TYW3: variants seen among roughly 807,000 people sequenced by gnomAD.
TYW3 encodes tRNA-yW synthesizing protein 3 homolog.
Under a neutral mutation model 23.1 loss-of-function variants are expected in TYW3, and 26 were observed. The observed-to-expected ratio is 1.13, with a 90% CI of 0.83 to 1.56. TYW3 has a LOEUF of 1.56. Ranked by LOEUF, TYW3 falls within the 40% of genes most tolerant of loss-of-function variation. The pLI is 0.00. For missense variants in TYW3, 316 were observed against 311.9 expected, an observed-to-expected ratio of 1.01 and a Z score of -0.10; for synonymous variants, 102 against 105.7, an observed-to-expected ratio of 0.97 and a Z score of 0.21.
Position 74,736,520 on chromosome 1 carries a change from ATTATG to A in TYW3, c.175-17_175-13del, listed in dbSNP as rs761738540. The A allele has an allele frequency of 5.2e-6, 8 of 1,545,266 alleles. No homozygotes were observed. Among genetic ancestry groups the A allele is most frequent in the African/African-American group, 4.1e-5 (3 of 72,498 alleles). ...TTGTAAAATATTATATGAAACTTAAATTATGTTATTTTTTATTTTAGGGTATAAAT... is the reference window on the plus strand; with the variant it reads ...TTGTAAAATATTATATGAAACTTAAATTATTTTTTATTTTAGGGTATAAAT... On this transcript the variant is annotated splice_polypyrimidine_tract_variant and intron_variant, in intron 1 of 5. Transcript: ENST00000370867.
At chr1:74,747,531 G>A (rs1648607188) in intron 3 of TYW3, among the ~76,000 whole-genome samples, 1 of 150,376 alleles carries the variant, frequency 6.6e-6, no homozygotes, top group Non-Finnish European at 1.5e-5. Flanking sequence ...CAGCTACTTG[G>A]GAGGCTGAGG....
chr1:74,764,197 A>G lies in TYW3; in HGVS notation c.*84A>G. On this transcript the variant is annotated 3_prime_UTR_variant, in exon 6 of 6. Coordinates refer to ENST00000370867, the MANE Select transcript of TYW3 (RefSeq NM_138467.3). ...TTCATAAGAGTATTTTAGTTTGTTG[A>G]GTGTATCAGCCATTCATAAGCCAGT... The G allele has an allele frequency of 8.1e-7, 1 of 1,232,786 alleles. No individual in the cohort carries two copies. Among genetic ancestry groups the G allele is most frequent in the Non-Finnish European group, 1.1e-6 (1 of 878,636 alleles). 76.4% of individuals were successfully genotyped at this position (1,232,786 alleles called of 1,614,324 possible). A position where few individuals can be genotyped will look rare whatever the true frequency, so the allele number is the denominator to read the frequency against.
At chr1:74,745,919 G>T (rs1024706279) in intron 3 of TYW3, among the ~76,000 whole-genome samples, 1 of 152,138 alleles carries the variant, frequency 6.6e-6, no homozygotes, top group Non-Finnish European at 1.5e-5. Flanking sequence ...CATGTCACTT[G>T]TTTCTTCTAC....
At chr1:74,737,121 C>T (rs768774309) in intron 2 of TYW3, among the ~76,000 whole-genome samples, 1 of 152,154 alleles carries the variant, frequency 6.6e-6, no homozygotes, top group Non-Finnish European at 1.5e-5. Context: ...ACTTTTCATT[C>T]CCAGTGAATT....
chr1:74,754,969 A>G (rs903089866), intron 5 of TYW3, among the ~76,000 whole-genome samples: 6 of 152,210 alleles, frequency 3.9e-5, no homozygotes, highest in South Asian at 2.1e-4. Context: ...CTTTGAATCT[A>G]TTAATAAGCA....
chr1:74,749,246 G>A (rs530053839), intron 4 of TYW3, among the ~76,000 whole-genome samples: 9 of 152,262 alleles, frequency 5.9e-5, no homozygotes, highest in East Asian at 3.9e-4. Context: ...AACTACTGTC[G>A]TAGGGCCACA....
intron 3 of TYW3, among the ~76,000 whole-genome samples, chr1:74,747,445 G>A (rs1054343524): frequency 1.6e-4 from 25 of 151,536 alleles, no homozygotes; most frequent in Admixed American, 3.9e-4. Context: ...AGACCATCCC[G>A]GCTAAAACAG....
rs1299399223 is a variant in TYW3, at chr1:74,738,691, T to A, written c.257T>A (p.Ile86Asn). The A allele has an allele frequency of 1.9e-6, 3 of 1,602,758 alleles. No homozygotes were observed. Among genetic ancestry groups the A allele is most frequent in the Non-Finnish European group, 2.6e-6 (3 of 1,171,770 alleles). Reference sequence around the variant, plus strand: ...TGATACCACTGTTCATTTATTTAGATTGTAGCTCTGAAGAAAGCAAATGGT... The same window carrying A: ...TGATACCACTGTTCATTTATTTAGAATGTAGCTCTGAAGAAAGCAAATGGT... ...THKLCVKDDVIVALKKANGDA... is the reference protein window; with the variant it reads ...THKLCVKDDVNVALKKANGDA... Residue 86 changes from isoleucine to asparagine, a missense_variant and splice_region_variant, in exon 3 of 6, where the codon ATT (isoleucine) becomes AAT (asparagine). Coordinates refer to ENST00000370867, the MANE Select transcript of TYW3 (RefSeq NM_138467.3).
At chr1:74,742,172 G>A (rs1380484701) in intron 3 of TYW3, among the ~76,000 whole-genome samples, 1 of 152,194 alleles carries the variant, frequency 6.6e-6, no homozygotes, top group Non-Finnish European at 1.5e-5. Context: ...AGTCCTCTCT[G>A]GGATAGTGAC....
chr1:74,740,711 A>G (rs1421228403), intron 3 of TYW3, among the ~76,000 whole-genome samples: 1 of 151,642 alleles, frequency 6.6e-6, no homozygotes, highest in African/African-American at 2.4e-5. Context: ...TGGTGCGTTT[A>G]CAATCCTTTA....
intron 5 of TYW3, among the ~76,000 whole-genome samples, chr1:74,752,687 A>G (rs1300440687): frequency 6.6e-6 from 1 of 152,168 alleles, no homozygotes. Context: ...GCTGGCATAA[A>G]GGGGAGAAAC....
At chr1:74,752,763 A>G (rs982242623) in intron 5 of TYW3, among the ~76,000 whole-genome samples, 15 of 152,290 alleles carry the variant, frequency 9.8e-5, no homozygotes, top group African/African-American at 3.4e-4. Context: ...GAAGGCAGCC[A>G]GGGAAGAGAT....
intron 5 of TYW3, among the ~76,000 whole-genome samples, chr1:74,756,643 T>C (rs1017099837): frequency 6.6e-6 from 1 of 152,208 alleles, no homozygotes; most frequent in African/African-American, 2.4e-5. Context: ...TTTTGAAAAC[T>C]TGCAGCATGA....
At chr1:74,736,772 CT>C in intron 2 of TYW3, 150 bp downstream of exon 2, 1 of 606,158 alleles carries the variant, frequency 1.6e-6, no homozygotes, top group Non-Finnish European at 2.8e-6. Context: ...TACAATGGCT[CT>C]TTTTGGGTTG....
chr1:74,741,121 G>GTATA (rs1648343339), intron 3 of TYW3, among the ~76,000 whole-genome samples: 1 of 152,208 alleles, frequency 6.6e-6, no homozygotes, highest in African/African-American at 2.4e-5. Flanking sequence ...TTTGGCTACA[G>GTATA]TATATAGTCC....
intron 4 of TYW3, chr1:74,750,302 GC>G (rs1399365749): frequency 6.6e-6 from 1 of 152,202 alleles, no homozygotes; most frequent in Non-Finnish European, 1.5e-5. Flanking sequence ...GGTGGCTCAT[GC>G]CTGTAATCCC....
rs565127920 is a variant in TYW3 at position 74,765,611 on chromosome 1, G to A, written c.*1498G>A. The A allele has an allele frequency of 1.1e-4, 16 of 152,048 alleles. No individual in the cohort carries two copies. Among genetic ancestry groups the A allele is most frequent in the Admixed American group, 1.0e-3 (16 of 15,242 alleles). The allele number at this position is 152,048 out of a possible 1,614,324, so 9.4% of individuals were successfully genotyped here. A position where few individuals can be genotyped will look rare whatever the true frequency, so the allele number is the denominator to read the frequency against. On this transcript the variant is annotated 3_prime_UTR_variant, in exon 6 of 6. Coordinates refer to ENST00000370867, the MANE Select transcript of TYW3 (RefSeq NM_138467.3). ...ATGAAAGTATCTGCCTGGCAGTGCA[G>A]TAAATGAAAAGAGAAGATAAATGAA... is the stretch of plus-strand genomic sequence containing the variant.
chr1:74,738,800 T>C lies in TYW3; in HGVS notation c.354+12T>C, dbSNP rs1384053393. The C allele has an allele frequency of 5.0e-6, 8 of 1,599,222 alleles. No homozygotes were observed. Among genetic ancestry groups the C allele is most frequent in the Non-Finnish European group, 6.8e-6 (8 of 1,168,618 alleles). On this transcript the variant is annotated intron_variant, in intron 3 of 5. Coordinates refer to ENST00000370867, the MANE Select transcript of TYW3 (RefSeq NM_138467.3). ...ATGCACAGATTCTGGTAAAATTTTG[T>C]TGTAATTGTACTTGAATTTATAGAT...
rs753081296 is a variant in TYW3 at position 74,733,357 on chromosome 1, A to G, written c.113A>G (p.Asn38Ser). Residue 38 changes from asparagine to serine, a missense_variant, in exon 1 of 6, where the codon AAC becomes AGC. Coordinates refer to ENST00000370867, the MANE Select transcript of TYW3 (RefSeq NM_138467.3). ...GTGGTAGAGCTTGTGCAGTTTCTGA[A>G]CATGCGAGATCAGTTTTTCACCACC... ...EDVVELVQFL[N>S]MRDQFFTTSS... 4 of 1,614,186 alleles carry G rather than the reference A, an allele frequency of 2.5e-6. No individual in the cohort carries two copies. The highest frequency in any genetic ancestry group is 3.4e-6 in the Non-Finnish European group (4 of 1,180,030).
Sources: gnomAD v4.1 joint callset for allele counts (sites outside exome capture counted in the v4.1 genomes callset) on GRCh38, gnomAD v4.1.1 for gene constraint, MANE v1.5 for transcripts, NCBI Gene and HGNC (gene_info 2026-07-23, HGNC 2026-07-21) for gene names.